Variants in PPP2R3A observed in about 807,000 individuals in gnomAD.
PPP2R3A encodes the protein serine/threonine-protein phosphatase 2A regulatory subunit B'' subunit alpha.
PPP2R3A carries 80 observed loss-of-function variants against 106.9 expected under a neutral mutation model. The observed-to-expected ratio is 0.75, with a 90% CI of 0.62 to 0.90. The LOEUF (loss-of-function observed/expected upper bound fraction) is 0.90. PPP2R3A is among the 40% of genes least tolerant of loss of function. PPP2R3A has a pLI of 0.00. For missense variants in PPP2R3A, 1,386 were observed against 1,350.4 expected (o/e 1.03, Z -0.41); for synonymous variants, 483 against 468.3 (o/e 1.03, Z -0.41).
At chr3:136,118,867 C>G (rs1475221073) in intron 13 of PPP2R3A, among the ~76,000 whole-genome samples, 1 of 152,166 alleles carries the variant, frequency 6.6e-6, no homozygotes, top group African/African-American at 2.4e-5. Flanking sequence ...TTGGAAAAAA[C>G]TACTTTAAAC....
chr3:136,139,220 C>T (rs1348615729), intron 13 of PPP2R3A, among the ~76,000 whole-genome samples: 2 of 152,164 alleles, frequency 1.3e-5, no homozygotes, highest in African/African-American at 4.8e-5. Context: ...TATCTCTGCT[C>T]ATTCCAACTT....
At chr3:136,105,113 A>G (rs1207134161) in intron 12 of PPP2R3A, among the ~76,000 whole-genome samples, 1 of 152,228 alleles carries the variant, frequency 6.6e-6, no homozygotes, top group Non-Finnish European at 1.5e-5. Flanking sequence ...ACATTAGGAA[A>G]AAGGAAGTGA....
At chr3:136,085,482 G>T (rs1319983803) in intron 8 of PPP2R3A, among the ~76,000 whole-genome samples, 1 of 152,084 alleles carries the variant, frequency 6.6e-6, no homozygotes, top group Non-Finnish European at 1.5e-5. Context: ...GTTTCGCCTT[G>T]TTGCCCAGGC....
At chr3:136,053,120 G>T (rs746940433) in intron 5 of PPP2R3A, among the ~76,000 whole-genome samples, 5 of 152,078 alleles carry the variant, frequency 3.3e-5, no homozygotes, top group African/African-American at 1.2e-4. Flanking sequence ...CAGACACTGC[G>T]GTCTACTTGA....
chr3:135,981,815 A>G lies in PPP2R3A; in HGVS notation c.-441+15966A>G, dbSNP rs571191703. Among the ~76,000 whole-genome samples, 4 of 151,970 alleles carry G rather than the reference A, an allele frequency of 2.6e-5. 1 individual carries two copies. Among genetic ancestry groups the G allele is most frequent in the African/African-American group, 4.8e-5 (2 of 41,242 alleles). On this transcript the variant is annotated intron_variant, in intron 1 of 13. Transcript: ENST00000264977. ...AGGGAGAGGAAGAGGCCATTTGAAG[A>G]AAGGAAGGCCAAGGGAGAATAGTAC...
chr3:136,096,686 T>C (rs1937223293), intron 10 of PPP2R3A, among the ~76,000 whole-genome samples: 1 of 152,266 alleles, frequency 6.6e-6, no homozygotes, highest in Non-Finnish European at 1.5e-5. Flanking sequence ...ATACATTTAA[T>C]TACTGCCTAA....
At chr3:135,966,563 GGGCTTGGA>G (rs1203537938) in intron 1 of PPP2R3A, among the ~76,000 whole-genome samples, 1 of 152,168 alleles carries the variant, frequency 6.6e-6, no homozygotes, top group Admixed American at 6.5e-5. Flanking sequence ...CCAGCTGGCC[GGGCTTGGA>G]GTTGATGTTG....
chr3:136,023,144 T>C, intron 2 of PPP2R3A: 1 of 1,613,628 alleles, frequency 6.2e-7, no homozygotes, highest in Non-Finnish European at 8.5e-7. Context: ...CAAGGGGCTG[T>C]GATTTTGTTC....
Position 135,995,447 on chromosome 3 carries a change from A to ATTT in PPP2R3A, c.-440-5589_-440-5587dup, listed in dbSNP as rs60359404. ...AGTTCTATGAGACTTACGTTGACAG[A>ATTT]TTTTTTTTTTTTTTTTTTTTTTTTT... On this transcript the variant is annotated intron_variant, in intron 1 of 13. Coordinates refer to ENST00000264977, the MANE Select transcript of PPP2R3A (RefSeq NM_002718.5). Among the ~76,000 whole-genome samples, 639 of 87,280 alleles carry ATTT rather than the reference A, an allele frequency of 7.3e-3. 7 individuals carry two copies. Among genetic ancestry groups the ATTT allele is most frequent in the African/African-American group, 0.012 (255 of 21,942 alleles). The allele number at this position is 87,280 out of a possible 152,430, so 57.3% of individuals were successfully genotyped here. A position where few individuals can be genotyped will look rare whatever the true frequency, so the allele number is the denominator to read the frequency against.
chr3:136,023,288 C>T (rs1382988876), intron 2 of PPP2R3A: 1 of 1,157,642 alleles, frequency 8.6e-7, no homozygotes, highest in Non-Finnish European at 1.2e-6. Context: ...AGTGAACTAA[C>T]TCACAAGTAA....
rs201552312 is a variant in PPP2R3A, at chr3:136,136,077, T to A, written c.3330-8966T>A. 4.6e-3 allele frequency among the ~76,000 whole-genome samples: 130 copies of A among 28,188 alleles called. 2 individuals carry two copies. The highest frequency in any genetic ancestry group is 0.016 in the Non-Finnish European group (96 of 5,966). The allele number at this position is 28,188 out of a possible 152,430, so 18.5% of individuals were successfully genotyped here. ...AAAAAAAAAAAAAAAAAAAAAATTATATATATATATATATATAAAAAACAT... is the reference window on the plus strand; with the variant it reads ...AAAAAAAAAAAAAAAAAAAAAATTAAATATATATATATATATAAAAAACAT... On this transcript the variant is annotated intron_variant, in intron 13 of 13. Coordinates refer to ENST00000264977, the MANE Select transcript of PPP2R3A (RefSeq NM_002718.5).
At chr3:136,122,755 TA>T (rs144346197) in intron 13 of PPP2R3A, among the ~76,000 whole-genome samples, 6,158 of 152,262 alleles carry the variant, frequency 0.04, 448 homozygotes, top group African/African-American at 0.14. Flanking sequence ...ATGTTACAGT[TA>T]ACGAAAACTG....
rs146596318 is a variant in PPP2R3A, at chr3:136,002,366, A to G, written c.868A>G (p.Lys290Glu). 2.7e-4 allele frequency: 429 copies of G among 1,613,804 alleles called. No individual in the cohort carries two copies. Among genetic ancestry groups the G allele is most frequent in the Non-Finnish European group, 3.6e-4 (419 of 1,179,944 alleles). Residue 290 changes from lysine (K) to glutamate (E), a missense_variant, in exon 2 of 14, where the codon AAA (lysine) becomes GAA (glutamate). Physicochemically the swap from Lys to Glu is moderately conservative, Grantham distance 56. Transcript: ENST00000264977. ...NVMTRLASYL[K>E]KLPFEFMQSG... ...AATGACCAGGTTAGCATCCTATCTGAAAAAGTTACCATTTGAATTCATGCA... is the reference window on the plus strand; with the variant it reads ...AATGACCAGGTTAGCATCCTATCTGGAAAAGTTACCATTTGAATTCATGCA...
intron 5 of PPP2R3A, 23 bp downstream of exon 5, chr3:136,049,384 A>C (rs201751140): frequency 2.4e-5 from 38 of 1,553,222 alleles, no homozygotes; most frequent in Middle Eastern, 3.4e-4. Flanking sequence ...TCCTTTTGAA[A>C]ATGGGTTCTA....
intron 10 of PPP2R3A, among the ~76,000 whole-genome samples, chr3:136,101,737 T>G (rs937566129): frequency 6.6e-6 from 1 of 152,024 alleles, no homozygotes; most frequent in Non-Finnish European, 1.5e-5. Flanking sequence ...CTAATAATAG[T>G]TCTGAAAATA....
In PPP2R3A at chr3:136,129,632, A is replaced by G. The variant is rs370209621; in HGVS notation, c.3330-15411A>G. Among the ~76,000 whole-genome samples the G allele has an allele frequency of 9.3e-4, 142 of 152,308 alleles. 1 individual carries two copies. Among genetic ancestry groups the G allele is most frequent in the East Asian group, 4.1e-3 (21 of 5,184 alleles). On this transcript the variant is annotated intron_variant, in intron 13 of 13. Transcript: ENST00000264977. The stretch of plus-strand genomic sequence containing the variant: ...ATTCCTTCTGAAACTACTCCAATCA[A>G]TAGAAAAAGAGGGAATCCTTTCTAA...
chr3:136,023,157 C>CCTTCA (rs1174375379), intron 2 of PPP2R3A: 4 of 1,613,440 alleles, frequency 2.5e-6, no homozygotes, highest in Non-Finnish European at 2.5e-6. Flanking sequence ...TTTTGTTCTC[C>CCTTCA]CTTCACGGTT....
chr3:136,115,734 T>C (rs1937724895), intron 13 of PPP2R3A, among the ~76,000 whole-genome samples: 1 of 151,294 alleles, frequency 6.6e-6, no homozygotes, highest in African/African-American at 2.4e-5. Context: ...CTCCAAGAAA[T>C]ATGGGACTAT....
chr3:136,108,092 A>G (rs1937544826), intron 13 of PPP2R3A, among the ~76,000 whole-genome samples: 1 of 152,132 alleles, frequency 6.6e-6, no homozygotes, highest in Non-Finnish European at 1.5e-5. Flanking sequence ...GTGTGCCTGT[A>G]GTCCCAGCTA....
Sources: allele counts gnomAD v4.1 joint callset (sites outside exome capture counted in the v4.1 genomes callset), GRCh38; gene constraint gnomAD v4.1.1; transcripts MANE v1.5; gene names NCBI Gene and HGNC (gene_info 2026-07-23, HGNC 2026-07-21).